Variants in MEI4 observed in about 807,000 individuals in gnomAD.
MEI4 encodes meiosis-specific protein MEI4.
MEI4 carries 27 observed loss-of-function variants against 31.4 expected under a neutral mutation model. That is an observed-to-expected ratio of 0.86 (90% CI 0.63 to 1.19). MEI4 has a LOEUF of 1.19. MEI4 is among the 50% of genes most tolerant of loss of function. MEI4 has a pLI of 0.00. For missense variants in MEI4, 329 were observed against 398.9 expected (o/e 0.82, Z 1.49); for synonymous variants, 122 against 145.4 (o/e 0.84, Z 1.16).
At chr6:77,738,726 C>T (rs1315680265) in intron 2 of MEI4, among the ~76,000 whole-genome samples, 1 of 152,172 alleles carries the variant, frequency 6.6e-6, no homozygotes, top group East Asian at 1.9e-4. Flanking sequence ...AAAAGCATTC[C>T]TATTTCTCCA....
In MEI4 at chr6:77,774,520, C is replaced by T. The variant is rs550100645; in HGVS notation, c.768+12855C>T. Among the ~76,000 whole-genome samples the T allele has an allele frequency of 3.9e-5, 6 of 152,040 alleles. No homozygotes were observed. In the Middle Eastern group the frequency reaches 0.01, roughly 259 times the overall value. On this transcript the variant is annotated intron_variant, in intron 3 of 4. Coordinates refer to ENST00000684080, the MANE Select transcript of MEI4 (RefSeq NM_001322247.2). ...ATGATGTTTACCAAAGGCTGGTAAG[C>T]GAGGACCTAATTAGATTGTTGGGAC...
At chr6:77,780,984 T>TCAAGTGATC (rs1210938626) in intron 3 of MEI4, among the ~76,000 whole-genome samples, 1 of 152,114 alleles carries the variant, frequency 6.6e-6, no homozygotes, top group Non-Finnish European at 1.5e-5. Context: ...ACTCCTGGGC[T>TCAAGTGATC]CAAGTGATCC....
chr6:77,908,252 G>T (rs1173330559), intron 4 of MEI4, among the ~76,000 whole-genome samples: 1 of 152,010 alleles, frequency 6.6e-6, no homozygotes, highest in East Asian at 1.9e-4. Flanking sequence ...GTATTGCCTA[G>T]GTTTTCTTCT....
At chr6:77,712,114 T>C (rs1766478216) in intron 2 of MEI4, among the ~76,000 whole-genome samples, 1 of 152,226 alleles carries the variant, frequency 6.6e-6, no homozygotes. Flanking sequence ...CCTGTATCAA[T>C]TGATGCAGAG....
rs1452940399 is a variant in MEI4, at chr6:77,923,917, T to TAATAC, written c.*573_*577dup. On this transcript the variant is annotated 3_prime_UTR_variant, in exon 5 of 5. Coordinates refer to ENST00000684080, the MANE Select transcript of MEI4 (RefSeq NM_001322247.2). Reference sequence around the variant, plus strand: ...TTTATTTATTTCAATTTCATATGGCTAATACATTTGTCGAGCTCTTTTGAA... The same window carrying TAATAC: ...TTTATTTATTTCAATTTCATATGGCTAATACAATACATTTGTCGAGCTCTTTTGAA... 5 of 149,874 alleles carry TAATAC rather than the reference T, an allele frequency of 3.3e-5. No individual in the cohort carries two copies. The highest frequency in any genetic ancestry group is 1.3e-4 in the Admixed American group (2 of 14,868). The allele number at this position is 149,874 out of a possible 1,614,324, so 9.3% of individuals were successfully genotyped here.
At chr6:77,657,547 A>G (rs1008674358) in intron 1 of MEI4, among the ~76,000 whole-genome samples, 2 of 152,010 alleles carry the variant, frequency 1.3e-5, no homozygotes, top group African/African-American at 2.4e-5. Context: ...TGTGGTGTCA[A>G]CAATCCCTCA....
chr6:77,680,800 G>C (rs145696394), intron 1 of MEI4, among the ~76,000 whole-genome samples: 1 of 152,166 alleles, frequency 6.6e-6, no homozygotes, highest in African/African-American at 2.4e-5. Flanking sequence ...ATGACACACT[G>C]TCAGTTGCTG....
Position 77,790,932 on chromosome 6 carries a change from C to T in MEI4, c.768+29267C>T, listed in dbSNP as rs564424206. Among the ~76,000 whole-genome samples the T allele has an allele frequency of 9.5e-4, 144 of 152,142 alleles. 1 individual carries two copies. Among genetic ancestry groups the T allele is most frequent in the African/African-American group, 3.1e-3 (130 of 41,522 alleles). ...TGCAGCCAACGGACACATGAAAAAA[C>T]GCTCATCATCACTGGCCATCAGAGA... On this transcript the variant is annotated intron_variant, in intron 3 of 4. Coordinates refer to ENST00000684080, the MANE Select transcript of MEI4 (RefSeq NM_001322247.2).
At chr6:77,797,019 C>T (rs997070854) in intron 3 of MEI4, among the ~76,000 whole-genome samples, 1 of 151,968 alleles carries the variant, frequency 6.6e-6, no homozygotes, top group East Asian at 1.9e-4. Flanking sequence ...AGAATAGATA[C>T]CTCAAAAATA....
chr6:77,797,461 C>G (rs1260049726), intron 3 of MEI4, among the ~76,000 whole-genome samples: 3 of 152,090 alleles, frequency 2.0e-5, no homozygotes, highest in Non-Finnish European at 4.4e-5. Flanking sequence ...GATCATAAGG[C>G]AAAGTCCCAT....
chr6:77,923,140 T>G lies in MEI4; in HGVS notation c.952T>G (p.Trp318Gly). The change falls in exon 5 of 5, where the codon TGG (tryptophan) becomes GGG (glycine). Residue 318 changes from tryptophan to glycine, a missense_variant. Trp to Gly is a radical substitution (Grantham distance 184). Transcript: ENST00000684080. ...SRYENIFYLF[W>G]VLEQLLQKET... ...CTATGAAAACATTTTCTACCTGTTC[T>G]GGGTTCTGGAGCAGCTTCTTCAAAA... is the stretch of plus-strand genomic sequence containing the variant. 1 of 1,230,632 alleles carries G rather than the reference T, an allele frequency of 8.1e-7. No homozygotes were observed. The highest frequency in any genetic ancestry group is 1.6e-5 in the African/African-American group (1 of 64,420). The allele number at this position is 1,230,632 out of a possible 1,614,324, so 76.2% of individuals were successfully genotyped here.
At chr6:77,767,689 A>C (rs1484992370) in intron 3 of MEI4, among the ~76,000 whole-genome samples, 1 of 116,732 alleles carries the variant, frequency 8.6e-6, no homozygotes, top group Non-Finnish European at 1.7e-5. Flanking sequence ...AGAGCAGGAA[A>C]CTGTCACACA....
chr6:77,710,092 C>CT (rs1766424450), intron 2 of MEI4, among the ~76,000 whole-genome samples: 1 of 152,174 alleles, frequency 6.6e-6, no homozygotes, highest in African/African-American at 2.4e-5. Context: ...AAAGAAGTGC[C>CT]TTGCCCATGC....
At chr6:77,690,408 C>G (rs796148916) in intron 1 of MEI4, among the ~76,000 whole-genome samples, 10 of 151,968 alleles carry the variant, frequency 6.6e-5, no homozygotes, top group African/African-American at 2.2e-4. Context: ...TTTTCCATCC[C>G]AAGAAGTTGT....
chr6:77,838,428 G>A (rs1582200518), intron 4 of MEI4, among the ~76,000 whole-genome samples: 1 of 152,116 alleles, frequency 6.6e-6, no homozygotes, highest in East Asian at 1.9e-4. Context: ...TGTTTTATGG[G>A]AGGCCAGAAA....
At chr6:77,912,125 G>A (rs767496112) in intron 4 of MEI4, among the ~76,000 whole-genome samples, 4 of 151,958 alleles carry the variant, frequency 2.6e-5, no homozygotes, top group Non-Finnish European at 1.5e-5. Flanking sequence ...ATTGTTGAAC[G>A]TCACTTGGCT....
intron 3 of MEI4, among the ~76,000 whole-genome samples, chr6:77,788,829 C>T (rs1019571898): frequency 1.3e-5 from 2 of 152,084 alleles, no homozygotes; most frequent in South Asian, 2.1e-4. Flanking sequence ...CCATACTGCC[C>T]AAAGTAATTT....
chr6:77,704,121 T>C (rs576120480), intron 2 of MEI4, among the ~76,000 whole-genome samples: 148 of 152,358 alleles, frequency 9.7e-4, no homozygotes, highest in Non-Finnish European at 1.8e-3. Flanking sequence ...CTCAAGAATA[T>C]GTCAGCTTCT....
intron 3 of MEI4, among the ~76,000 whole-genome samples, chr6:77,810,824 T>C (rs1582172844): frequency 6.6e-6 from 1 of 152,202 alleles, no homozygotes; most frequent in Non-Finnish European, 1.5e-5. Flanking sequence ...GTTTGTATTT[T>C]GGATGTTATA....
Sources: gnomAD v4.1 joint callset for allele counts (sites outside exome capture counted in the v4.1 genomes callset) on GRCh38, gnomAD v4.1.1 for gene constraint, MANE v1.5 for transcripts, NCBI Gene and HGNC (gene_info 2026-07-23, HGNC 2026-07-21) for gene names.